The following CSE1L variants were observed in gnomAD, a reference collection of about 807,000 sequenced individuals.
The protein encoded by CSE1L is chromosome segregation 1 like, also known as exportin-2.
CSE1L carries 24 observed loss-of-function variants against 120.4 expected under a neutral mutation model. That is an observed-to-expected ratio of 0.20 (90% confidence interval 0.14 to 0.28). The LOEUF (loss-of-function observed/expected upper bound fraction) is 0.28, where lower values mean the gene tolerates loss of function less well. Ranked by LOEUF, CSE1L falls within the 10% of genes least tolerant of loss-of-function variation. The pLI is 1.00. For missense variants in CSE1L, 830 were observed against 1,145.2 expected (o/e 0.72, Z 3.97); for synonymous variants, 402 against 398.3 (o/e 1.01, Z -0.11).
rs893875188 is a variant in CSE1L, at chr20:49,086,677, T to G, written c.1723+1291T>G. 2.0e-5 allele frequency among the ~76,000 whole-genome samples: 3 copies of G among 152,182 alleles called. No homozygotes were observed. In the East Asian group the frequency reaches 5.8e-4, roughly 29 times the overall value. On this transcript the variant is annotated intron_variant, in intron 16 of 24. Transcript: ENST00000262982. The stretch of plus-strand genomic sequence containing the variant: ...ACTGCGCCCAGCCTTAATGTCCATT[T>G]CTATGAGAGCGGCTAACTAGTCTGT...
At chr20:49,089,442 C>T in intron 18 of CSE1L, 45 bp downstream of exon 18, 1 of 1,606,114 alleles carries the variant, frequency 6.2e-7, no homozygotes, top group Non-Finnish European at 8.5e-7. Flanking sequence ...ATAAAATTAA[C>T]ATGGCTATAA....
intron 6 of CSE1L, among the ~76,000 whole-genome samples, chr20:49,067,761 C>G (rs144338440): frequency 6.6e-6 from 1 of 151,490 alleles, no homozygotes; most frequent in African/African-American, 2.4e-5. Flanking sequence ...AAGACAGGGT[C>G]TCACTCTCAT....
chr20:49,047,561 T>A (rs944415354), intron 1 of CSE1L, among the ~76,000 whole-genome samples: 3 of 122,936 alleles, frequency 2.4e-5, no homozygotes, highest in Non-Finnish European at 1.7e-5. Flanking sequence ...TCTTTTCTCT[T>A]TTCTTTTTTT....
intron 14 of CSE1L, among the ~76,000 whole-genome samples, chr20:49,079,473 C>A (rs2091993858): frequency 6.8e-6 from 1 of 146,010 alleles, no homozygotes; most frequent in African/African-American, 2.6e-5. Flanking sequence ...GGTGATCCAC[C>A]AGCCTTGGCC....
At chr20:49,078,683 A>G in intron 14 of CSE1L, 61 bp downstream of exon 14, 7 of 1,089,202 alleles carry the variant, frequency 6.4e-6, no homozygotes, top group Non-Finnish European at 9.2e-6. Flanking sequence ...ATTATGTACC[A>G]CCTTCTCATC....
intron 16 of CSE1L, 23 bp downstream of exon 16, chr20:49,085,409 A>G (rs776736325): frequency 6.5e-7 from 1 of 1,539,108 alleles, no homozygotes. Flanking sequence ...CCTGGTGTGC[A>G]GACTACAGGT....
At chr20:49,072,226 C>T (rs977515072) in intron 8 of CSE1L, 60 bp from the exon 9 acceptor site, 56 of 1,557,116 alleles carry the variant, frequency 3.6e-5, no homozygotes, top group Admixed American at 5.6e-5. Context: ...TTCAGTTACT[C>T]CTCTTACTTA....
At chr20:49,055,057 T>C (rs2091795822) in intron 1 of CSE1L, among the ~76,000 whole-genome samples, 1 of 152,258 alleles carries the variant, frequency 6.6e-6, no homozygotes, top group African/African-American at 2.4e-5. Context: ...AGAGGACAGA[T>C]GTTTCAGAAT....
intron 1 of CSE1L, among the ~76,000 whole-genome samples, chr20:49,049,335 C>T (rs895047273): frequency 1.3e-5 from 2 of 151,924 alleles, no homozygotes; most frequent in Admixed American, 6.6e-5. Context: ...AGGCGTGCAC[C>T]ACCACACTCA....
At chr20:49,082,726 T>G (rs949297842) in intron 14 of CSE1L, among the ~76,000 whole-genome samples, 10 of 151,728 alleles carry the variant, frequency 6.6e-5, no homozygotes, top group African/African-American at 2.4e-4. Flanking sequence ...TTTCACTGTG[T>G]TAGCCAGGAT....
At chr20:49,047,564 C>CT (rs59986218) in intron 1 of CSE1L, among the ~76,000 whole-genome samples, 5,768 of 69,098 alleles carry the variant, frequency 0.083, 1,186 homozygotes, top group Non-Finnish European at 0.11. Flanking sequence ...TTTCTCTTTT[C>CT]TTTTTTTTTT....
intron 22 of CSE1L, among the ~76,000 whole-genome samples, chr20:49,093,282 A>G (rs1463079613): frequency 6.6e-6 from 1 of 152,244 alleles, no homozygotes; most frequent in Non-Finnish European, 1.5e-5. Flanking sequence ...CCAGAGCATT[A>G]GAATTGCCAT....
At chr20:49,047,808 A>C (rs1015589673) in intron 1 of CSE1L, among the ~76,000 whole-genome samples, 1 of 150,802 alleles carries the variant, frequency 6.6e-6, no homozygotes, top group African/African-American at 2.4e-5. Context: ...TGTCTAATCA[A>C]CCTGTCTAGG....
chr20:49,055,815 A>G (rs1381196673), intron 1 of CSE1L, among the ~76,000 whole-genome samples: 1 of 152,206 alleles, frequency 6.6e-6, no homozygotes, highest in African/African-American at 2.4e-5. Flanking sequence ...AACTCTCCTT[A>G]TATCTATCAC....
At chr20:49,060,775 C>CAAA (rs3092475) in intron 2 of CSE1L, among the ~76,000 whole-genome samples, 2 of 136,848 alleles carry the variant, frequency 1.5e-5, no homozygotes, top group East Asian at 2.1e-4. Flanking sequence ...GACTTTGTCT[C>CAAA]AAAAAAAAAA....
chr20:49,066,513 A>C lies in CSE1L; in HGVS notation c.476+3A>C, dbSNP rs745746223. The C allele has an allele frequency of 6.3e-7, 1 of 1,598,562 alleles. No homozygotes were observed. Among genetic ancestry groups the C allele is most frequent in the South Asian group, 1.1e-5 (1 of 89,304 alleles). On this transcript the variant is annotated splice_donor_region_variant and intron_variant, in intron 5 of 24. Coordinates refer to ENST00000262982, the MANE Select transcript of CSE1L (RefSeq NM_001316.4). Reference sequence around the variant, plus strand: ...ACAGCACATTCATTATTTAAAAGGTATTGATGCATAGATTCATGTTTTTAA... The same window carrying C: ...ACAGCACATTCATTATTTAAAAGGTCTTGATGCATAGATTCATGTTTTTAA...
At position 49,088,033 on chromosome 20, in the gene CSE1L, T is replaced by C; in HGVS notation, c.1748T>C (p.Leu583Pro). 1 of 1,609,362 alleles carries C rather than the reference T, an allele frequency of 6.2e-7. No homozygotes were observed. Among genetic ancestry groups the C allele is most frequent in the Non-Finnish European group, 8.5e-7 (1 of 1,177,580 alleles). ...MKAIMRSFSL[L>P]QEAIIPYIPT... ...GCTATCATGAGAAGTTTTTCTCTCC[T>C]ACAAGAAGCCATAATCCCCTACATC... The change falls in exon 17 of 25, where the codon CTA becomes CCA. Residue 583 changes from leucine to proline, a missense_variant. Transcript: ENST00000262982.
At chr20:49,081,295 A>G (rs1159153322) in intron 14 of CSE1L, among the ~76,000 whole-genome samples, 1 of 148,770 alleles carries the variant, frequency 6.7e-6, no homozygotes, top group Non-Finnish European at 1.5e-5. Context: ...CCATTTCTTT[A>G]TTTTTTGAAA....
intron 1 of CSE1L, among the ~76,000 whole-genome samples, chr20:49,052,891 G>C (rs577459909): frequency 1.3e-5 from 2 of 152,214 alleles, no homozygotes; most frequent in Admixed American, 6.5e-5. Context: ...CTGGCCAGGA[G>C]TTTGGGTGTT....
Sources: allele counts gnomAD v4.1 joint callset (sites outside exome capture counted in the v4.1 genomes callset), GRCh38; gene constraint gnomAD v4.1.1; transcripts MANE v1.5; gene names NCBI Gene and HGNC (gene_info 2026-07-23, HGNC 2026-07-21).